The following RORB variants were observed in gnomAD, a reference collection of about 807,000 sequenced individuals.
The protein encoded by RORB is RAR related orphan receptor B, also known as nuclear receptor ROR-beta.
RORB carries 6 observed loss-of-function variants against 59.1 expected under a neutral mutation model. The ratio of observed to expected loss-of-function variants is 0.10; its 90% CI spans 0.06 to 0.20. The LOEUF (loss-of-function observed/expected upper bound fraction) is 0.20, where lower values mean the gene tolerates loss of function less well. Ranked by LOEUF, RORB falls within the 10% of genes least tolerant of loss-of-function variation. The probability of loss-of-function intolerance (pLI) is 1.00; values close to 1 mark genes in which losing one functional copy is unlikely to be tolerated. For missense variants in RORB, 320 were observed against 560.5 expected, an observed-to-expected ratio of 0.57 and a Z score of 4.33; for synonymous variants, 215 against 204.5, an observed-to-expected ratio of 1.05 and a Z score of -0.44.
At chr9:74,516,465 T>A (rs555022169) in intron 1 of RORB, among the ~76,000 whole-genome samples, 1 of 152,070 alleles carries the variant, frequency 6.6e-6, no homozygotes, top group South Asian at 2.1e-4. Context: ...AAGAAAGAAT[T>A]GAGAGATGCT....
At chr9:74,521,137 T>C (rs1826080423) in intron 1 of RORB, among the ~76,000 whole-genome samples, 1 of 151,898 alleles carries the variant, frequency 6.6e-6, no homozygotes, top group East Asian at 1.9e-4. Context: ...AGCTGAAACT[T>C]TTGTTTTTAT....
chr9:74,586,025 A>C (rs1046269696), intron 1 of RORB, among the ~76,000 whole-genome samples: 1 of 151,620 alleles, frequency 6.6e-6, no homozygotes, highest in Non-Finnish European at 1.5e-5. Context: ...CAATCTCCTG[A>C]CCTCGTGATC....
chr9:74,517,794 G>T (rs1407067349), intron 1 of RORB, among the ~76,000 whole-genome samples: 1 of 151,936 alleles, frequency 6.6e-6, no homozygotes, highest in Non-Finnish European at 1.5e-5. Flanking sequence ...AAGTTATAAG[G>T]TTCACATTCC....
At chr9:74,685,362 GC>G (rs1824623234) in intron 9 of RORB, 100 bp from the exon 10 acceptor site, 1 of 937,698 alleles carries the variant, frequency 1.1e-6, no homozygotes, top group African/African-American at 1.7e-5. Flanking sequence ...TTTTTCCAAA[GC>G]CTTTTACCTT....
At chr9:74,505,471 A>T (rs1436885086) in intron 1 of RORB, among the ~76,000 whole-genome samples, 4 of 152,156 alleles carry the variant, frequency 2.6e-5, no homozygotes, top group African/African-American at 9.6e-5. Context: ...TTATTTATTA[A>T]AGATTTATTG....
chr9:74,692,130 A>G lies in RORB; in HGVS notation c.*6512A>G, dbSNP rs568778277. The G allele has an allele frequency of 1.2e-4, 18 of 152,312 alleles. No individual in the cohort carries two copies. Among genetic ancestry groups the G allele is most frequent in the African/African-American group, 3.8e-4 (16 of 41,576 alleles). 9.4% of individuals were successfully genotyped at this position (152,312 alleles called of 1,614,324 possible). On this transcript the variant is annotated 3_prime_UTR_variant, in exon 10 of 10. Transcript: ENST00000376896. The stretch of plus-strand genomic sequence containing the variant: ...TGAGGTCAGACCACTCATTTGCTGA[A>G]GCCATAACTGACCTTCACCAAATAA...
intron 1 of RORB, among the ~76,000 whole-genome samples, chr9:74,583,887 T>A (rs1822759902): frequency 6.6e-6 from 1 of 152,234 alleles, no homozygotes; most frequent in Non-Finnish European, 1.5e-5. Flanking sequence ...ATTCAGCATT[T>A]GCCAGCCAGA....
In RORB at chr9:74,690,829, C is replaced by G. The variant is rs1215960789; in HGVS notation, c.*5211C>G. The G allele has an allele frequency of 6.6e-6, 1 of 151,994 alleles. No homozygotes were observed. Among genetic ancestry groups the G allele is most frequent in the African/African-American group, 2.4e-5 (1 of 41,390 alleles). The allele number at this position is 151,994 out of a possible 1,614,324, so 9.4% of individuals were successfully genotyped here. A position where few individuals can be genotyped will look rare whatever the true frequency, so the allele number is the denominator to read the frequency against. On this transcript the variant is annotated 3_prime_UTR_variant, in exon 10 of 10. Coordinates refer to ENST00000376896, the MANE Select transcript of RORB (RefSeq NM_006914.4). Reference sequence around the variant, plus strand: ...TTAGTGATGGCTTATAAAAGACACTCCAACTTGTCTTGCCCAAACTCCCTT... The same window carrying G: ...TTAGTGATGGCTTATAAAAGACACTGCAACTTGTCTTGCCCAAACTCCCTT...
rs1026987273 is a variant in RORB at position 74,692,333 on chromosome 9, A to G, written c.*6715A>G. ...TGATGATCGATTTATAATGATAAAA[A>G]GATATTTAGATTTAAATGAGACATT... On this transcript the variant is annotated 3_prime_UTR_variant, in exon 10 of 10. Coordinates refer to ENST00000376896, the MANE Select transcript of RORB (RefSeq NM_006914.4). 3.9e-5 allele frequency: 6 copies of G among 152,264 alleles called. No homozygotes were observed. Among genetic ancestry groups the G allele is most frequent in the Non-Finnish European group, 8.8e-5 (6 of 68,038 alleles). The allele number at this position is 152,264 out of a possible 1,614,324, so 9.4% of individuals were successfully genotyped here.
intron 1 of RORB, among the ~76,000 whole-genome samples, chr9:74,542,805 A>T (rs568072581): frequency 1.3e-5 from 2 of 152,294 alleles, no homozygotes; most frequent in Admixed American, 1.3e-4. Flanking sequence ...CTCAGGGTCT[A>T]CTTAAAAGGT....
chr9:74,545,787 A>T (rs1309325635), intron 1 of RORB, among the ~76,000 whole-genome samples: 3 of 148,090 alleles, frequency 2.0e-5, no homozygotes, highest in Non-Finnish European at 4.5e-5. Context: ...ACAATTGAGT[A>T]ACTCTTATTT....
chr9:74,628,796 T>C (rs911750539), intron 1 of RORB, among the ~76,000 whole-genome samples: 6 of 152,222 alleles, frequency 3.9e-5, no homozygotes, highest in African/African-American at 1.2e-4. Flanking sequence ...CTAGTGTGTA[T>C]AATTTTAACA....
chr9:74,577,836 T>C (rs1010278604), intron 1 of RORB, among the ~76,000 whole-genome samples: 13 of 152,142 alleles, frequency 8.5e-5, no homozygotes, highest in African/African-American at 2.9e-4. Context: ...AGATGAGTTA[T>C]GGTGCCAAGT....
At chr9:74,655,272 AG>A (rs1304773354) in intron 4 of RORB, among the ~76,000 whole-genome samples, 1 of 152,206 alleles carries the variant, frequency 6.6e-6, no homozygotes, top group Non-Finnish European at 1.5e-5. Flanking sequence ...CAGGAAGAGC[AG>A]AGTGTAGAGT....
At chr9:74,637,818 A>G (rs1238808934) in intron 3 of RORB, among the ~76,000 whole-genome samples, 1 of 152,222 alleles carries the variant, frequency 6.6e-6, no homozygotes, top group Non-Finnish European at 1.5e-5. Flanking sequence ...ATGAATTTAA[A>G]TTAAATAAAA....
intron 1 of RORB, among the ~76,000 whole-genome samples, chr9:74,610,674 A>T (rs1384748736): frequency 6.6e-6 from 1 of 152,210 alleles, no homozygotes; most frequent in African/African-American, 2.4e-5. Context: ...ACATCTGAAA[A>T]TTAACTTATC....
At chr9:74,644,784 A>C (rs952655262) in intron 4 of RORB, among the ~76,000 whole-genome samples, 1 of 152,150 alleles carries the variant, frequency 6.6e-6, no homozygotes, top group African/African-American at 2.4e-5. Flanking sequence ...CTTCTGGCCT[A>C]TATTCAAAAG....
At chr9:74,602,269 A>C (rs945096705) in intron 1 of RORB, among the ~76,000 whole-genome samples, 3 of 152,196 alleles carry the variant, frequency 2.0e-5, no homozygotes, top group African/African-American at 7.2e-5. Flanking sequence ...TTGTTATAGA[A>C]ACTGTTTAAT....
chr9:74,624,908 A>G (rs1328607084), intron 1 of RORB, among the ~76,000 whole-genome samples: 2 of 152,210 alleles, frequency 1.3e-5, no homozygotes, highest in Non-Finnish European at 2.9e-5. Flanking sequence ...CACTTTTAGC[A>G]TAACTGTACA....
Sources: gnomAD v4.1 joint callset for allele counts (sites outside exome capture counted in the v4.1 genomes callset) on GRCh38, gnomAD v4.1.1 for gene constraint, MANE v1.5 for transcripts, NCBI Gene and HGNC (gene_info 2026-07-23, HGNC 2026-07-21) for gene names.